AVIL: variants seen among roughly 807,000 people sequenced by gnomAD.
AVIL encodes the protein advillin.
Under a neutral mutation model 109.9 loss-of-function variants are expected in AVIL, and 78 were observed. The ratio of observed to expected loss-of-function variants is 0.71; its 90% CI spans 0.59 to 0.86. The LOEUF (loss-of-function observed/expected upper bound fraction) is 0.86. Ranked by LOEUF, AVIL falls within the 40% of genes least tolerant of loss-of-function variation. The pLI is 0.00. For synonymous variants in AVIL, 367 were observed against 379.1 expected (o/e 0.97, Z 0.37); for missense variants, 892 against 1,016.5 (o/e 0.88, Z 1.67).
chr12:57,807,878 C>G (rs764823811), intron 11 of AVIL, 151 bp from the exon 12 acceptor site: 5 of 1,126,020 alleles, frequency 4.4e-6, no homozygotes, highest in African/African-American at 3.1e-5. Flanking sequence ...GAGGACTCAT[C>G]ACATTTGCAT....
intron 16 of AVIL, among the ~76,000 whole-genome samples, chr12:57,803,005 G>T (rs926916855): frequency 1.3e-5 from 2 of 152,156 alleles, no homozygotes; most frequent in African/African-American, 4.8e-5. Flanking sequence ...TGATAGGATG[G>T]CTGGATTTTT....
rs1595150028 is a variant in AVIL at position 57,797,389 on chromosome 12, G to A, written c.*493C>T. The A allele has an allele frequency of 1.0e-6, 1 of 985,344 alleles. No individual in the cohort carries two copies. Among genetic ancestry groups the A allele is most frequent in the Non-Finnish European group, 1.2e-6 (1 of 829,908 alleles). 61.0% of individuals were successfully genotyped at this position (985,344 alleles called of 1,614,324 possible). On this transcript the variant is annotated 3_prime_UTR_variant, in exon 20 of 20. Transcript: ENST00000549994. ...AAAATAACTCCATTTGTTCATTATA[G>A]GTATCTTTATTTGAAAAGTGAAAAA...
At chr12:57,809,989 G>A (rs1415510244) in intron 7 of AVIL, 99 bp from the exon 8 acceptor site, 1 of 1,274,308 alleles carries the variant, frequency 7.8e-7, no homozygotes, top group East Asian at 2.4e-5. Flanking sequence ...GGAGTTTCTA[G>A]GTAGAGTGTG....
intron 18 of AVIL, 144 bp downstream of exon 18, chr12:57,801,000 T>C (rs1955835700): frequency 3.4e-6 from 2 of 591,202 alleles, no homozygotes; most frequent in African/African-American, 3.8e-5. Context: ...TTTCTATTGA[T>C]TACAAAAAGT....
intron 16 of AVIL, among the ~76,000 whole-genome samples, chr12:57,803,040 A>G (rs1030896539): frequency 6.6e-6 from 1 of 152,230 alleles, no homozygotes; most frequent in East Asian, 1.9e-4. Context: ...GAAAATGCCC[A>G]GGATGGTGAG....
chr12:57,812,038 T>C (rs948729666), intron 4 of AVIL, among the ~76,000 whole-genome samples: 6 of 152,254 alleles, frequency 3.9e-5, no homozygotes, highest in African/African-American at 1.4e-4. Flanking sequence ...TCACTCAGGC[T>C]AGAGTTCAAT....
intron 18 of AVIL, chr12:57,800,219 C>T (rs572882738): frequency 6.2e-5 from 16 of 257,984 alleles, no homozygotes; most frequent in African/African-American, 3.3e-4. Flanking sequence ...GATCACATAC[C>T]TTCTCTTGGT....
chr12:57,801,098 T>TA (rs753947312), intron 18 of AVIL, 46 bp downstream of exon 18: 3 of 1,529,390 alleles, frequency 2.0e-6, no homozygotes, highest in African/African-American at 2.7e-5. Context: ...TCTCTGGCTC[T>TA]GGTTGCCCAT....
chr12:57,806,297 G>C, intron 14 of AVIL, 63 bp downstream of exon 14: 4 of 1,571,638 alleles, frequency 2.5e-6, no homozygotes, highest in Non-Finnish European at 3.5e-6. Context: ...TTGCTGACAG[G>C]AGGAGGGGAG....
intron 14 of AVIL, chr12:57,804,251 TTC>T (rs1955906444): frequency 6.6e-6 from 1 of 152,474 alleles, no homozygotes; most frequent in Non-Finnish European, 1.5e-5. Flanking sequence ...TCAGTCTGGC[TTC>T]TTTCTCTTAG....
rs750579427 is a variant in AVIL, at chr12:57,802,205, G to A, written c.2106C>T (p.Pro702=). ...ILIIKQGFEP[P]IFTGWFLAWD... ...AGGCTAGGAACCAGCCTGTGAAGAT[G>A]GGAGGCTCAAACCCCTGCTTAATGA... The change falls in exon 17 of 20, where the codon CCC becomes CCT. Residue 702 remains proline, a synonymous_variant. Transcript: ENST00000549994. 3.1e-6 allele frequency: 5 copies of A among 1,613,910 alleles called. No homozygotes were observed. The highest frequency in any genetic ancestry group is 4.2e-6 in the Non-Finnish European group (5 of 1,179,912).
rs1955898336 is a variant in AVIL, at chr12:57,803,808, A to G, written c.1672-139T>C. 7 of 1,216,452 alleles carry G rather than the reference A, an allele frequency of 5.8e-6. No homozygotes were observed. In the South Asian group the frequency reaches 1.1e-4, roughly 19 times the overall value. 75.4% of individuals were successfully genotyped at this position (1,216,452 alleles called of 1,614,324 possible). A position where few individuals can be genotyped will look rare whatever the true frequency, so the allele number is the denominator to read the frequency against. ...AGTCCCTCAGCCTGGGAAGACAGAC[A>G]AGTTTGTTCTAGTGCTGGGGAGTGG... On this transcript the variant is annotated intron_variant, in intron 14 of 19. Transcript: ENST00000549994.
In AVIL at chr12:57,809,656, C is replaced by G. The variant is rs774542955; in HGVS notation, c.880G>C (p.Val294Leu). ...TTTGTGGCTCCTTTTCCTTTCCACA[C>G]GTAGATTTTGGTTCCACTTTGGTCC... ...ILDQSGTKIY[V>L]WKGKGATKAE... is the part of the protein sequence containing the mutation. Residue 294 changes from valine to leucine, a missense_variant, in exon 9 of 20, where the codon GTG becomes CTG. Transcript: ENST00000549994. 4 of 1,614,176 alleles carry G rather than the reference C, an allele frequency of 2.5e-6. No individual in the cohort carries two copies. Among genetic ancestry groups the G allele is most frequent in the Non-Finnish European group, 3.4e-6 (4 of 1,180,042 alleles).
chr12:57,807,483 G>A lies in AVIL; in HGVS notation c.1339C>T (p.His447Tyr). The A allele has an allele frequency of 1.2e-6, 2 of 1,614,234 alleles. No individual in the cohort carries two copies. The highest frequency in any genetic ancestry group is 1.7e-6 in the Non-Finnish European group (2 of 1,180,048). Residue 447 changes from histidine to tyrosine, a missense_variant, in exon 13 of 20, where the codon CAC (histidine) becomes TAC (tyrosine). Transcript: ENST00000549994. ...HHILYIWQGR[H>Y]ASQDELAASA... ...GCTGCCAGCTCATCCTGTGAGGCGTGGCGGCCCTGCAATGGTGAGAGGCCA... is the reference window on the plus strand; with the variant it reads ...GCTGCCAGCTCATCCTGTGAGGCGTAGCGGCCCTGCAATGGTGAGAGGCCA...
At chr12:57,817,187 C>T (rs1163051601) in intron 1 of AVIL, among the ~76,000 whole-genome samples, 1 of 151,912 alleles carries the variant, frequency 6.6e-6, no homozygotes, top group Non-Finnish European at 1.5e-5. Context: ...TAATTTCTCC[C>T]AAGAGGCAAA....
rs1028833444 is a variant in AVIL, at chr12:57,808,786, T to C, written c.940-238A>G. The C allele has an allele frequency of 5.8e-6, 3 of 515,434 alleles. No individual in the cohort carries two copies. The Admixed American group carries it at 1.1e-4, about 19-fold the overall frequency. 31.9% of individuals were successfully genotyped at this position (515,434 alleles called of 1,614,324 possible). ...TGCGGTGATTATGGTTGTTAATTTT[T>C]AGGATGATTATGCTGTGTTCTTTCA... On this transcript the variant is annotated intron_variant, in intron 9 of 19. Transcript: ENST00000549994.
Position 57,810,524 on chromosome 12 carries a change from C to T in AVIL, c.586G>A (p.Asp196Asn). 9 of 1,613,912 alleles carry T rather than the reference C, an allele frequency of 5.6e-6. No homozygotes were observed. Among genetic ancestry groups the T allele is most frequent in the Non-Finnish European group, 6.8e-6 (8 of 1,180,034 alleles). The change falls in exon 7 of 20, where the codon GAC becomes AAC. Residue 196 changes from aspartate to asparagine, a missense_variant. By Grantham distance (23) the Asp-to-Asn change is conservative. Coordinates refer to ENST00000549994, the MANE Select transcript of AVIL (RefSeq NM_006576.4). Reference sequence around the variant, plus strand: ...TTAGCACGGCCCCCTCGCTCCCTGTCTCGAATATCCTTTGCCAGAAGCATA... The same window carrying T: ...TTAGCACGGCCCCCTCGCTCCCTGTTTCGAATATCCTTTGCCAGAAGCATA... ...KAMLLAKDIR[D>N]RERGGRAKIG...
chr12:57,817,688 C>T (rs1956114611), intron 1 of AVIL, among the ~76,000 whole-genome samples: 1 of 152,124 alleles, frequency 6.6e-6, no homozygotes, highest in Non-Finnish European at 1.5e-5. Flanking sequence ...GCAATTAGGA[C>T]TGTGAGCCTC....
rs1167370560 is a variant in AVIL at position 57,811,052 on chromosome 12, A to G, written c.414T>C (p.His138=). 1 of 1,614,100 alleles carries G rather than the reference A, an allele frequency of 6.2e-7. No individual in the cohort carries two copies. Among genetic ancestry groups the G allele is most frequent in the Non-Finnish European group, 8.5e-7 (1 of 1,180,026 alleles). Residue 138 remains histidine, a synonymous_variant, in exon 5 of 20, where the codon CAT becomes CAC. Coordinates refer to ENST00000549994, the MANE Select transcript of AVIL (RefSeq NM_006576.4). ...TNTYDVKRLL[H]VKGKRNIRAT... is the part of the protein sequence containing the mutation. ...CCCTGATGTTTCTTTTCCCTTTCAC[A>G]TGTAGCAGCCGCTTCACGTCGTAGG...
Sources: gnomAD v4.1 joint callset for allele counts (sites outside exome capture counted in the v4.1 genomes callset) on GRCh38, gnomAD v4.1.1 for gene constraint, MANE v1.5 for transcripts, NCBI Gene and HGNC (gene_info 2026-07-23, HGNC 2026-07-21) for gene names.